The following GOLGA6L2 variants were observed in gnomAD, a reference collection of about 807,000 sequenced individuals.
GOLGA6L2 encodes the protein golgin A6 family like 2.
GOLGA6L2 carries 30 observed loss-of-function variants against 35.9 expected under a neutral mutation model. That is an observed-to-expected ratio of 0.83 (90% confidence interval 0.62 to 1.13). GOLGA6L2 has a LOEUF of 1.13. Ranked by LOEUF, GOLGA6L2 falls within the 50% of genes most tolerant of loss-of-function variation. The pLI is 0.00. For missense variants in GOLGA6L2, 821 were observed against 973.4 expected (o/e 0.84, Z 2.08); for synonymous variants, 297 against 344.0 (o/e 0.86, Z 1.51).
In GOLGA6L2 at chr15:23,442,503, G is replaced by A. The variant is rs562124454; in HGVS notation, c.597C>T (p.Ile199=). The A allele has an allele frequency of 1.4e-4, 230 of 1,591,986 alleles. No homozygotes were observed. Among genetic ancestry groups the A allele is most frequent in the East Asian group, 3.6e-4 (16 of 44,672 alleles). Residue 199 remains isoleucine (I), a synonymous_variant, in exon 6 of 8, where the codon ATC becomes ATT. Coordinates refer to ENST00000567107, the MANE Select transcript of GOLGA6L2 (RefSeq NM_001304388.2). ...STWHKKADRY[I]EELTKERDAL... ...CGTCCCTCTCCTTTGTTAACTCCTC[G>A]ATGTACTGCAAATAGAGAAAGGTTA...
chr15:23,443,300 C>CCA (rs1315187276), intron 5 of GOLGA6L2, among the ~76,000 whole-genome samples: 3 of 152,034 alleles, frequency 2.0e-5, no homozygotes, highest in African/African-American at 7.2e-5. Context: ...AATATCTACC[C>CCA]CACACACACT....
At chr15:23,444,104 A>C in intron 4 of GOLGA6L2, 31 bp from the exon 5 acceptor site, 1 of 1,588,672 alleles carries the variant, frequency 6.3e-7, no homozygotes, top group Non-Finnish European at 8.5e-7. Context: ...AAGTGCTGAA[A>C]GAGAAGCAAA....
rs1489747373 is a variant in GOLGA6L2, at chr15:23,442,118, A to G, written c.653T>C (p.Ile218Thr). Residue 218 changes from isoleucine (I) to threonine (T), a missense_variant and splice_region_variant, in exon 7 of 8, where the codon ATA becomes ACA. By Grantham distance (89) the Ile-to-Thr change is moderately conservative (BLOSUM62 -1). Transcript: ENST00000567107. ...TTTCTTCTTCAGCTCCTCATTGGTT[A>G]TGCTATGGCCCGAGGCAGTAGAGAA... ...ALSLELYRNT[I>T]TNEELKKKNA... is the part of the protein sequence containing the mutation. 1 of 1,565,996 alleles carries G rather than the reference A, an allele frequency of 6.4e-7. No homozygotes were observed. Among genetic ancestry groups the G allele is most frequent in the African/African-American group, 1.3e-5 (1 of 74,516 alleles).
chr15:23,444,330 C>A, intron 3 of GOLGA6L2, 118 bp from the exon 4 acceptor site: 1 of 1,475,978 alleles, frequency 6.8e-7, no homozygotes, highest in East Asian at 2.3e-5. Flanking sequence ...ACCAGGTTAT[C>A]AGGGACCCTG....
Position 23,439,569 on chromosome 15 carries a change from T to C in GOLGA6L2, c.*176A>G. ...TAGATATTGATGATCTTCATCTTTCTCTTGTCTCCTCGGTAGAAGAATGGG... is the reference window on the plus strand; with the variant it reads ...TAGATATTGATGATCTTCATCTTTCCCTTGTCTCCTCGGTAGAAGAATGGG... On this transcript the variant is annotated 3_prime_UTR_variant, in exon 8 of 8. Transcript: ENST00000567107. The C allele has an allele frequency of 1.3e-6, 2 of 1,534,982 alleles. No individual in the cohort carries two copies. The highest frequency in any genetic ancestry group is 1.7e-6 in the Non-Finnish European group (2 of 1,146,260).
Position 23,439,995 on chromosome 15 carries a change from G to C in GOLGA6L2, c.2480C>G (p.Ala827Gly), listed in dbSNP as rs758050352. The C allele has an allele frequency of 2.6e-6, 1 of 384,650 alleles. No homozygotes were observed. The highest frequency in any genetic ancestry group is 2.4e-5 in the South Asian group (1 of 41,238). The allele number at this position is 384,650 out of a possible 1,614,324, so 23.8% of individuals were successfully genotyped here. The part of the protein sequence containing the change: ...DAGPGGEDAG[A>G]GGEDAGPGGE... Reference sequence around the variant, plus strand: ...TCCTGGCCCTGCATCTTCTCCTCCTGCTCCCGCATCTTCTCCTCCTGGCCC... The same window carrying C: ...TCCTGGCCCTGCATCTTCTCCTCCTCCTCCCGCATCTTCTCCTCCTGGCCC... Residue 827 changes from alanine to glycine, a missense_variant, in exon 8 of 8, where the codon GCA becomes GGA. Ala to Gly is a moderately conservative substitution (Grantham distance 60). Coordinates refer to ENST00000567107, the MANE Select transcript of GOLGA6L2 (RefSeq NM_001304388.2).
chr15:23,441,825 T>A, intron 7 of GOLGA6L2, 143 bp from the exon 8 acceptor site: 1 of 1,361,624 alleles, frequency 7.3e-7, no homozygotes, highest in Non-Finnish European at 9.7e-7. Flanking sequence ...ATTTGTAGAT[T>A]TTTAGCACAC....
chr15:23,443,373 T>C (rs1345189647), intron 5 of GOLGA6L2, among the ~76,000 whole-genome samples: 1 of 86,774 alleles, frequency 1.2e-5, no homozygotes, highest in Non-Finnish European at 2.6e-5. Context: ...GTTACCATAA[T>C]ACGTACACAC....
chr15:23,444,171 C>T lies in GOLGA6L2; in HGVS notation c.285G>A (p.Arg95=). The T allele has an allele frequency of 6.2e-7, 1 of 1,604,430 alleles. No individual in the cohort carries two copies. Among genetic ancestry groups the T allele is most frequent in the Non-Finnish European group, 8.5e-7 (1 of 1,179,182 alleles). Residue 95 remains arginine, a synonymous_variant, in exon 4 of 8, where the codon CGG becomes CGA. Transcript: ENST00000567107. ...CACACCCTCCACTCACCTCTATCTC[C>T]CGCCTTAGGGCTTCCTGATGTTGGT... ...ASHQHQEALR[R]EIEAQDHTIR...
Position 23,441,281 on chromosome 15 carries a change from CCT to C in GOLGA6L2, c.1192_1193del (p.Arg398AspfsTer248), listed in dbSNP as rs1308136690. On this transcript the variant is annotated frameshift_variant, in exon 8 of 8. Transcript: ENST00000567107. LOFTEE classifies it low-confidence loss of function (END_TRUNC). ...GTAGCCTCTCGTCCTGCTCCCACAT[CCT>C]CTCCTCTTGGTCCCGCATCTTCTGC... ...QEQKMRDQEE[R>X]MWEQDERLRE... The C allele has an allele frequency of 6.5e-7, 1 of 1,538,936 alleles. No homozygotes were observed. Among genetic ancestry groups the C allele is most frequent in the Non-Finnish European group, 8.7e-7 (1 of 1,146,560 alleles).
rs773972814 is a variant in GOLGA6L2, at chr15:23,440,442, C to T, written c.2033G>A (p.Gly678Glu). The change falls in exon 8 of 8, where the codon GGA (glycine) becomes GAA (glutamate). Residue 678 changes from glycine to glutamate, a missense_variant. Gly to Glu is a moderately conservative substitution (Grantham distance 98). Coordinates refer to ENST00000567107, the MANE Select transcript of GOLGA6L2 (RefSeq NM_001304388.2). ...VGAGREDAGA[G>E]GEDVGAGGED... ...TCCTCCTGCTCCCACATCTTCTCCT[C>T]CTGCTCCTGCATCTTCTCTTCCTGC... is the stretch of plus-strand genomic sequence containing the variant. 160 of 937,978 alleles carry T rather than the reference C, an allele frequency of 1.7e-4. No homozygotes were observed. The highest frequency in any genetic ancestry group is 1.2e-4 in the Admixed American group (6 of 48,690). 58.1% of individuals were successfully genotyped at this position (937,978 alleles called of 1,614,324 possible).
chr15:23,447,117 A>G lies in GOLGA6L2; in HGVS notation c.65T>C (p.Leu22Ser), dbSNP rs913971432. ...MMSEKTRQNKLAEAKKKFTDY... is the reference protein window; with the variant it reads ...MMSEKTRQNKSAEAKKKFTDY... ...TTTTACCTTTTTCTTGGCCTCAGCCAATTTGTTCTGTCTGGTTTTTTCTGA... is the reference window on the plus strand; with the variant it reads ...TTTTACCTTTTTCTTGGCCTCAGCCGATTTGTTCTGTCTGGTTTTTTCTGA... The change falls in exon 1 of 8, where the codon TTG becomes TCG. Residue 22 changes from leucine to serine, a missense_variant. Leu to Ser is a moderately radical substitution (Grantham distance 145, BLOSUM62 -2). Around this residue, in one of 7 missense-constraint regions of GOLGA6L2, gnomAD observed 48 missense variants for 31.7 expected, o/e 1.51. Transcript: ENST00000567107. 4 of 1,586,660 alleles carry G rather than the reference A, an allele frequency of 2.5e-6. No individual in the cohort carries two copies. The African/African-American group carries it at 4.0e-5, about 16-fold the overall frequency.
chr15:23,441,820 T>C (rs1466336471), intron 7 of GOLGA6L2, 138 bp from the exon 8 acceptor site: 1 of 1,353,762 alleles, frequency 7.4e-7, no homozygotes, highest in East Asian at 2.5e-5. Context: ...CCCAAATTTG[T>C]AGATTTTTAG....
chr15:23,441,487 G>C lies in GOLGA6L2; in HGVS notation c.988C>G (p.Leu330Val). The change falls in exon 8 of 8, where the codon CTG becomes GTG. Residue 330 changes from leucine to valine, a missense_variant. By Grantham distance (32) the Leu-to-Val change is conservative. Transcript: ENST00000567107. ...EKRLREQEKE[L>V]REQEKELREQ... Reference sequence around the variant, plus strand: ...CGCAGCTCCTTCTCCTGCTCCCGCAGCTCCTTCTCCTGCTCTCGCAGCCTC... The same window carrying C: ...CGCAGCTCCTTCTCCTGCTCCCGCACCTCCTTCTCCTGCTCTCGCAGCCTC... 7.2e-7 allele frequency: 1 copy of C among 1,395,714 alleles called. No individual in the cohort carries two copies. The highest frequency in any genetic ancestry group is 9.6e-7 in the Non-Finnish European group (1 of 1,046,926). 86.5% of individuals were successfully genotyped at this position (1,395,714 alleles called of 1,614,324 possible). A position where few individuals can be genotyped will look rare whatever the true frequency, so the allele number is the denominator to read the frequency against.
chr15:23,441,135 T>G lies in GOLGA6L2; in HGVS notation c.1340A>C (p.Gln447Pro). The stretch of plus-strand genomic sequence containing the variant: ...CCGCTCCCGTATCCTCTCCTCCTCT[T>G]GCATCTTCTCCTCCTGGTCCCGCGT... ...KKTRDQEEKM[Q>P]EEERIREREK... The change falls in exon 8 of 8, where the codon CAA becomes CCA. Residue 447 changes from glutamine (Q) to proline (P), a missense_variant. Transcript: ENST00000567107. The G allele has an allele frequency of 6.6e-7, 1 of 1,514,564 alleles. No individual in the cohort carries two copies. 93.8% of individuals were successfully genotyped at this position (1,514,564 alleles called of 1,614,324 possible).
chr15:23,446,014 A>C lies in GOLGA6L2; in HGVS notation c.85-576T>G, dbSNP rs143079147. Among the ~76,000 whole-genome samples the C allele has an allele frequency of 8.8e-3, 1,338 of 152,274 alleles. 14 individuals carry two copies. The highest frequency in any genetic ancestry group is 0.031 in the African/African-American group (1,270 of 41,556). On this transcript the variant is annotated intron_variant, in intron 1 of 7. Coordinates refer to ENST00000567107, the MANE Select transcript of GOLGA6L2 (RefSeq NM_001304388.2). ...CTGATGCTTCAGAAAGATGCCCCAT[A>C]TGTATCCTGTGGCACTCAAAGTACC... is the stretch of plus-strand genomic sequence containing the variant.
At position 23,439,622 on chromosome 15, in the gene GOLGA6L2, C is replaced by T. The variant is rs1252663095; in HGVS notation, c.*123G>A. 3 of 1,536,182 alleles carry T rather than the reference C, an allele frequency of 2.0e-6. No homozygotes were observed. The highest frequency in any genetic ancestry group is 2.0e-5 in the Admixed American group (1 of 50,952). ...GCAGGAGGTACTGCCTAATCCTGGG[C>T]ACTGCTGGGCGTTCTTCATCCCACA... On this transcript the variant is annotated 3_prime_UTR_variant, in exon 8 of 8. Coordinates refer to ENST00000567107, the MANE Select transcript of GOLGA6L2 (RefSeq NM_001304388.2).
intron 1 of GOLGA6L2, among the ~76,000 whole-genome samples, chr15:23,446,194 T>C (rs1886779839): frequency 1.2e-5 from 1 of 84,868 alleles, no homozygotes; most frequent in African/African-American, 3.5e-5. Context: ...GGTGGAGAAC[T>C]TAGAGAAAAC....
chr15:23,443,377 TAC>T (rs59048780), intron 5 of GOLGA6L2, among the ~76,000 whole-genome samples: 113,483 of 149,902 alleles, frequency 0.76, 43,701 homozygotes, highest in East Asian at 0.84. Context: ...CCATAATACG[TAC>T]ACACACACAC....
Sources: gnomAD v4.1 joint callset for allele counts (sites outside exome capture counted in the v4.1 genomes callset) on GRCh38, gnomAD v4.1.1 for gene constraint, gnomAD v4.1.1 regional missense constraint, MANE v1.5 for transcripts, NCBI Gene and HGNC (gene_info 2026-07-23, HGNC 2026-07-21) for gene names.